ZBTB20: variants seen among roughly 807,000 people sequenced by gnomAD.
The protein encoded by ZBTB20 is zinc finger and BTB domain-containing protein 20.
Under a neutral mutation model 56.9 loss-of-function variants are expected in ZBTB20, and 9 were observed. That is an observed-to-expected ratio of 0.16 (90% confidence interval 0.10 to 0.28). ZBTB20 has a LOEUF of 0.28. Among genes scored for constraint, ZBTB20 ranks in the 10% least tolerant of loss-of-function variants. The pLI, the probability that ZBTB20 is intolerant of heterozygous loss-of-function variation, is 1.00. For missense variants in ZBTB20, 655 were observed against 1,003.0 expected (o/e 0.65, Z 4.69); for synonymous variants, 417 against 420.7 (o/e 0.99, Z 0.11).
chr3:114,888,416 T>G (rs2107617842), intron 4 of ZBTB20, among the ~76,000 whole-genome samples: 1 of 152,206 alleles, frequency 6.6e-6, no homozygotes, highest in East Asian at 1.9e-4. Context: ...GCCTTTATAT[T>G]TTTAAAAATC....
intron 6 of ZBTB20, among the ~76,000 whole-genome samples, chr3:114,538,952 T>C (rs2048794880): frequency 6.6e-6 from 1 of 152,188 alleles, no homozygotes; most frequent in Admixed American, 6.6e-5. Context: ...TCATTGATTG[T>C]TGTCCCTCTG....
intron 5 of ZBTB20, among the ~76,000 whole-genome samples, chr3:114,769,407 T>A (rs1241353243): frequency 6.6e-6 from 1 of 151,422 alleles, no homozygotes; most frequent in Admixed American, 6.6e-5. Context: ...ATATACTATA[T>A]ACATACTATT....
chr3:114,582,222 C>T (rs2054705166), intron 6 of ZBTB20: 1 of 152,014 alleles, frequency 6.6e-6, no homozygotes, highest in African/African-American at 2.4e-5. Flanking sequence ...CACATGTATA[C>T]TCATCAAGGT....
chr3:114,441,789 A>C (rs1216151010), intron 7 of ZBTB20, among the ~76,000 whole-genome samples: 2 of 152,102 alleles, frequency 1.3e-5, no homozygotes, highest in Non-Finnish European at 2.9e-5. Context: ...TTATTCATAA[A>C]TATTAGAGAT....
chr3:114,454,497 C>T (rs1576842043), intron 7 of ZBTB20: 1 of 150,856 alleles, frequency 6.6e-6, no homozygotes, highest in South Asian at 2.1e-4. Flanking sequence ...AAAATACATG[C>T]TCCCTCGGTC....
At chr3:114,488,331 A>G (rs898655544) in intron 7 of ZBTB20, among the ~76,000 whole-genome samples, 4 of 152,116 alleles carry the variant, frequency 2.6e-5, no homozygotes, top group African/African-American at 9.7e-5. Context: ...GTCTTTTCCA[A>G]TTTTTTTATT....
At chr3:114,479,066 T>G (rs1559846695) in intron 7 of ZBTB20, among the ~76,000 whole-genome samples, 1 of 147,484 alleles carries the variant, frequency 6.8e-6, no homozygotes, top group Non-Finnish European at 1.5e-5. Flanking sequence ...GTTCCTCTAT[T>G]GGGGGGGGGC....
intron 1 of ZBTB20, among the ~76,000 whole-genome samples, chr3:115,084,779 T>C (rs2082925948): frequency 6.6e-6 from 1 of 151,940 alleles, no homozygotes; most frequent in African/African-American, 2.4e-5. Flanking sequence ...TAGCAAAAAG[T>C]GCACAAATAT....
At chr3:114,630,466 T>G (rs764543351) in intron 6 of ZBTB20, among the ~76,000 whole-genome samples, 9 of 151,994 alleles carry the variant, frequency 5.9e-5, no homozygotes, top group Non-Finnish European at 1.0e-4. Flanking sequence ...TGTGTACACA[T>G]GTGTGTGTAC....
chr3:115,005,326 AT>A (rs1278134315), intron 2 of ZBTB20, among the ~76,000 whole-genome samples: 2 of 151,692 alleles, frequency 1.3e-5, no homozygotes, highest in African/African-American at 4.8e-5. Context: ...ATTTGTATAA[AT>A]TTATCTGTAT....
intron 4 of ZBTB20, among the ~76,000 whole-genome samples, chr3:114,839,659 T>C (rs2074299631): frequency 6.6e-6 from 1 of 152,212 alleles, no homozygotes. Flanking sequence ...AAAAAGGATC[T>C]GTGCAGATGT....
chr3:114,766,059 G>C (rs144688148), intron 5 of ZBTB20, among the ~76,000 whole-genome samples: 174 of 152,280 alleles, frequency 1.1e-3, no homozygotes, highest in African/African-American at 4.1e-3. Context: ...TCTGGGTAAA[G>C]AAGAGGTTGT....
chr3:114,902,057 T>C (rs2075141444), intron 3 of ZBTB20, among the ~76,000 whole-genome samples: 1 of 152,156 alleles, frequency 6.6e-6, no homozygotes, highest in East Asian at 1.9e-4. Context: ...ATTAATTCAG[T>C]CACAAATAAA....
intron 6 of ZBTB20, among the ~76,000 whole-genome samples, chr3:114,639,549 C>T (rs67203210): frequency 0.24 from 35,985 of 151,520 alleles, 5,884 homozygotes; most frequent in African/African-American, 0.45. Flanking sequence ...AAACTTTCTA[C>T]CTTAAATAAA....
intron 5 of ZBTB20, among the ~76,000 whole-genome samples, chr3:114,704,379 T>C (rs1198807753): frequency 1.3e-5 from 2 of 148,624 alleles, no homozygotes; most frequent in African/African-American, 4.9e-5. Context: ...TATTTATATA[T>C]ATACACACAT....
At chr3:114,343,465 C>A (rs1289461946) in intron 11 of ZBTB20, among the ~76,000 whole-genome samples, 3 of 152,188 alleles carry the variant, frequency 2.0e-5, no homozygotes, top group African/African-American at 7.2e-5. Context: ...ATGCCCTCCT[C>A]TTTCGTGAGT....
At chr3:115,125,980 T>C (rs549736005) in intron 1 of ZBTB20, among the ~76,000 whole-genome samples, 63 of 152,162 alleles carry the variant, frequency 4.1e-4, no homozygotes, top group Admixed American at 1.6e-3. Flanking sequence ...ATCTATAATA[T>C]AAAGAACTCA....
chr3:114,630,918 T>G (rs1189224247), intron 6 of ZBTB20, among the ~76,000 whole-genome samples: 3 of 152,180 alleles, frequency 2.0e-5, no homozygotes, highest in Non-Finnish European at 4.4e-5. Context: ...AATCCAGTAT[T>G]TTCAACTGAT....
At chr3:114,721,649 T>C (rs1273580142) in intron 5 of ZBTB20, among the ~76,000 whole-genome samples, 2 of 152,190 alleles carry the variant, frequency 1.3e-5, no homozygotes, top group African/African-American at 2.4e-5. Flanking sequence ...TGGTGAAGCC[T>C]GGATTCAAAC....
Sources: gnomAD v4.1 joint callset for allele counts (sites outside exome capture counted in the v4.1 genomes callset) on GRCh38, gnomAD v4.1.1 for gene constraint, MANE v1.5 for transcripts, NCBI Gene and HGNC (gene_info 2026-07-23, HGNC 2026-07-21) for gene names.